The following WDR70 variants were observed in gnomAD, a reference collection of about 807,000 sequenced individuals.
The protein encoded by WDR70 is WD repeat-containing protein 70.
Under a neutral mutation model 88.6 loss-of-function variants are expected in WDR70, and 53 were observed. That is an observed-to-expected ratio of 0.60 (90% confidence interval 0.48 to 0.75). The LOEUF (loss-of-function observed/expected upper bound fraction) is 0.75. WDR70 is among the 30% of genes least tolerant of loss of function. The probability of loss-of-function intolerance (pLI) is 0.00; values close to 1 mark genes in which losing one functional copy is unlikely to be tolerated. For missense variants in WDR70, 610 were observed against 823.2 expected (o/e 0.74, Z 3.17); for synonymous variants, 280 against 270.0 (o/e 1.04, Z -0.36).
intron 10 of WDR70, among the ~76,000 whole-genome samples, chr5:37,691,121 A>T (rs1280824416): frequency 6.6e-6 from 1 of 152,246 alleles, no homozygotes; most frequent in Admixed American, 6.5e-5. Context: ...ATCAAAAGAT[A>T]CAAAGCCATT....
chr5:37,432,177 C>T (rs1295119088), intron 5 of WDR70, among the ~76,000 whole-genome samples: 2 of 151,450 alleles, frequency 1.3e-5, no homozygotes, highest in Non-Finnish European at 2.9e-5. Context: ...ACCAACATTG[C>T]ACAAGGATTC....
intron 9 of WDR70, among the ~76,000 whole-genome samples, chr5:37,523,936 A>G (rs1408399174): frequency 6.6e-6 from 1 of 152,250 alleles, no homozygotes; most frequent in Non-Finnish European, 1.5e-5. Context: ...GAGAAAAAAG[A>G]GTAAAAAGAA....
chr5:37,480,106 T>C, intron 8 of WDR70, 119 bp downstream of exon 8: 1 of 1,255,674 alleles, frequency 8.0e-7, no homozygotes, highest in Non-Finnish European at 1.1e-6. Flanking sequence ...TAGCAATTTA[T>C]TTGTTCTCAC....
At position 37,752,862 on chromosome 5, in the gene WDR70, A is replaced by C. The variant is rs1348547306; in HGVS notation, c.*289A>C. On this transcript the variant is annotated 3_prime_UTR_variant, in exon 18 of 18. Transcript: ENST00000265107. ...TTCAACAATTATTGGTCTTGTCCAGATTCTCATAACCTTAGAGAGGAAAAT... is the reference window on the plus strand; with the variant it reads ...TTCAACAATTATTGGTCTTGTCCAGCTTCTCATAACCTTAGAGAGGAAAAT... 3.8e-6 allele frequency: 1 copy of C among 262,194 alleles called. No homozygotes were observed. The highest frequency in any genetic ancestry group is 5.5e-5 in the Admixed American group (1 of 18,272). 16.2% of individuals were successfully genotyped at this position (262,194 alleles called of 1,614,324 possible).
intron 8 of WDR70, among the ~76,000 whole-genome samples, chr5:37,497,392 C>A (rs1740256800): frequency 7.5e-6 from 1 of 133,432 alleles, no homozygotes; most frequent in Non-Finnish European, 1.6e-5. Context: ...CTCCCCTTCC[C>A]TCCCTTTCCT....
At chr5:37,513,686 G>A (rs1379415972) in intron 8 of WDR70, among the ~76,000 whole-genome samples, 22 of 152,206 alleles carry the variant, frequency 1.4e-4, no homozygotes, top group Admixed American at 1.4e-3. Flanking sequence ...GGAGTCCGAT[G>A]TTTGAGGGCA....
At chr5:37,669,472 G>T (rs1426788237) in intron 10 of WDR70, among the ~76,000 whole-genome samples, 5 of 151,934 alleles carry the variant, frequency 3.3e-5, no homozygotes, top group African/African-American at 1.2e-4. Context: ...GAGTGCAGTG[G>T]TGCAGTAATG....
At chr5:37,530,798 C>G (rs1328366899) in intron 9 of WDR70, among the ~76,000 whole-genome samples, 1 of 126,072 alleles carries the variant, frequency 7.9e-6, no homozygotes, top group Non-Finnish European at 1.6e-5. Context: ...ATTTCAGTTT[C>G]ATTGAGTTAT....
intron 10 of WDR70, among the ~76,000 whole-genome samples, chr5:37,665,158 C>T (rs1442152254): frequency 6.6e-6 from 1 of 152,200 alleles, no homozygotes; most frequent in African/African-American, 2.4e-5. Context: ...TGCCATATAG[C>T]TGCCAGAGGA....
chr5:37,601,468 T>C (rs1158257893), intron 9 of WDR70, among the ~76,000 whole-genome samples: 1 of 152,236 alleles, frequency 6.6e-6, no homozygotes, highest in Non-Finnish European at 1.5e-5. Context: ...ACTAGGGATA[T>C]TGTTCTGTAG....
At chr5:37,601,748 A>G (rs1034384274) in intron 9 of WDR70, among the ~76,000 whole-genome samples, 1 of 152,108 alleles carries the variant, frequency 6.6e-6, no homozygotes, top group Non-Finnish European at 1.5e-5. Flanking sequence ...CCAACAATCT[A>G]TATGAAAAAG....
chr5:37,678,852 G>A (rs1467004514), intron 10 of WDR70, among the ~76,000 whole-genome samples: 12 of 152,120 alleles, frequency 7.9e-5, no homozygotes, highest in African/African-American at 2.2e-4. Flanking sequence ...CATTCTCCCC[G>A]TCACTTTCAG....
intron 10 of WDR70, among the ~76,000 whole-genome samples, chr5:37,682,267 T>C (rs1423647985): frequency 6.6e-6 from 1 of 152,192 alleles, no homozygotes; most frequent in African/African-American, 2.4e-5. Context: ...GTGGAGTCAG[T>C]GATAATAACC....
chr5:37,480,632 T>C (rs1237880638), intron 8 of WDR70, among the ~76,000 whole-genome samples: 1 of 152,166 alleles, frequency 6.6e-6, no homozygotes, highest in Non-Finnish European at 1.5e-5. Context: ...CATGATTCAA[T>C]TATCTCCACC....
At chr5:37,498,268 C>T (rs1327974183) in intron 8 of WDR70, among the ~76,000 whole-genome samples, 2 of 152,220 alleles carry the variant, frequency 1.3e-5, no homozygotes, top group African/African-American at 4.8e-5. Flanking sequence ...CAGCTGATTA[C>T]AGTCACTTCC....
At chr5:37,472,345 T>A (rs1390186456) in intron 7 of WDR70, among the ~76,000 whole-genome samples, 1 of 152,096 alleles carries the variant, frequency 6.6e-6, no homozygotes. Flanking sequence ...AATATTTTCC[T>A]ATTTTTTTGA....
intron 10 of WDR70, among the ~76,000 whole-genome samples, chr5:37,680,940 A>G (rs1465870188): frequency 1.3e-5 from 2 of 152,098 alleles, no homozygotes; most frequent in Admixed American, 1.3e-4. Flanking sequence ...TAAAATAGAA[A>G]TAGTTTTAAA....
intron 9 of WDR70, among the ~76,000 whole-genome samples, chr5:37,554,678 G>GCACACACACACA (rs3068425): frequency 6.1e-5 from 9 of 147,670 alleles, no homozygotes; most frequent in Admixed American, 2.7e-4. Context: ...GCACCTGCAC[G>GCACACACACACA]CACACACACA....
chr5:37,431,880 C>G (rs180733127), intron 5 of WDR70, among the ~76,000 whole-genome samples: 150 of 152,240 alleles, frequency 9.9e-4, no homozygotes, highest in African/African-American at 3.5e-3. Flanking sequence ...TAGCATGTGT[C>G]GGAATTTTCT....
Sources: gnomAD v4.1 joint callset for allele counts (sites outside exome capture counted in the v4.1 genomes callset) on GRCh38, gnomAD v4.1.1 for gene constraint, MANE v1.5 for transcripts, NCBI Gene and HGNC (gene_info 2026-07-23, HGNC 2026-07-21) for gene names.